RARB: variants seen among roughly 807,000 people sequenced by gnomAD.
RARB encodes the protein HBV-activated protein.
A neutral mutation model predicts 51.9 loss-of-function variants in RARB; 17 were observed. The observed-to-expected ratio is 0.33, with a 90% CI of 0.22 to 0.49. The LOEUF (loss-of-function observed/expected upper bound fraction) is 0.49, where lower values mean the gene tolerates loss of function less well. Ranked by LOEUF, RARB falls within the 20% of genes least tolerant of loss-of-function variation. RARB has a pLI of 0.99. For synonymous variants in RARB, 215 were observed against 195.4 expected (o/e 1.10, Z -0.84); for missense variants, 369 against 550.8 (o/e 0.67, Z 3.30).
At chr3:25,136,684 G>A (rs139260148) in intron 4 of RARB, among the ~76,000 whole-genome samples, 2 of 152,014 alleles carry the variant, frequency 1.3e-5, no homozygotes, top group African/African-American at 2.4e-5. Flanking sequence ...CACGTTAGAA[G>A]CAGTGTGCTA....
chr3:25,057,408 T>C (rs1232627568), intron 2 of RARB, among the ~76,000 whole-genome samples: 1 of 152,068 alleles, frequency 6.6e-6, no homozygotes, highest in Non-Finnish European at 1.5e-5. Flanking sequence ...CACTTAAAAT[T>C]CAAAACAAAA....
chr3:24,932,451 T>A lies in RARB; in HGVS notation c.-380+73699T>A, dbSNP rs545808402. On this transcript the variant is annotated intron_variant, in intron 2 of 11. Transcript: ENST00000383772. Reference sequence around the variant, plus strand: ...AGTCGTTTACATTGCTAATACTTTTTAAATCATTTTAGTGGGCATTGAAAT... The same window carrying A: ...AGTCGTTTACATTGCTAATACTTTTAAAATCATTTTAGTGGGCATTGAAAT... Among the ~76,000 whole-genome samples, 52 of 152,248 alleles carry A rather than the reference T, an allele frequency of 3.4e-4. No individual in the cohort carries two copies. The East Asian group carries it at 3.5e-3, about 10-fold the overall frequency.
rs571949253 is a variant in RARB at position 24,944,585 on chromosome 3, C to T, written c.-380+85833C>T. On this transcript the variant is annotated intron_variant, in intron 2 of 11. Coordinates refer to the RARB transcript ENST00000383772. ...AAACCTACAAATGCCTGACCCTGTGCCTGTCATTCAGTCATATAGAGTGTG... is the reference window on the plus strand; with the variant it reads ...AAACCTACAAATGCCTGACCCTGTGTCTGTCATTCAGTCATATAGAGTGTG... 3.9e-5 allele frequency among the ~76,000 whole-genome samples: 6 copies of T among 152,292 alleles called. No homozygotes were observed. The South Asian group carries it at 1.2e-3, about 32-fold the overall frequency.
In RARB at chr3:25,336,235, T is replaced by C. The variant is rs578102845; in HGVS notation, c.179-124958T>C. Among the ~76,000 whole-genome samples the C allele has an allele frequency of 2.0e-5, 3 of 152,248 alleles. No individual in the cohort carries two copies. The South Asian group carries it at 6.2e-4, about 32-fold the overall frequency. On this transcript the variant is annotated intron_variant, in intron 5 of 11. Transcript: ENST00000383772. ...AGTCACTCTCCTAGAGTTCAGAGATTTAGTAGTTTTTCTTTCTTACACCTT... is the reference window on the plus strand; with the variant it reads ...AGTCACTCTCCTAGAGTTCAGAGATCTAGTAGTTTTTCTTTCTTACACCTT...
chr3:25,562,903 G>C (rs868288511), intron 3 of RARB, among the ~76,000 whole-genome samples: 31 of 152,290 alleles, frequency 2.0e-4, no homozygotes, highest in African/African-American at 7.5e-4. Flanking sequence ...TGTTTTGAAA[G>C]TTTCATTAGC....
chr3:25,292,495 C>A (rs1451071144), intron 5 of RARB, among the ~76,000 whole-genome samples: 24 of 152,066 alleles, frequency 1.6e-4, no homozygotes. Context: ...TGGGGAAAAG[C>A]CTATAGAAAC....
intron 1 of RARB, among the ~76,000 whole-genome samples, chr3:25,431,051 A>C (rs1210169067): frequency 7.1e-6 from 1 of 140,222 alleles, no homozygotes; most frequent in Non-Finnish European, 1.5e-5. Context: ...TGTTTGGTTC[A>C]GGGTGGTACA....
At chr3:25,101,376 T>C (rs997439661) in intron 3 of RARB, among the ~76,000 whole-genome samples, 3 of 152,204 alleles carry the variant, frequency 2.0e-5, no homozygotes, top group African/African-American at 7.2e-5. Context: ...CTTGTTCCCA[T>C]GCTCAACATA....
chr3:25,187,967 A>G (rs1315647189), intron 5 of RARB, among the ~76,000 whole-genome samples: 2 of 152,144 alleles, frequency 1.3e-5, no homozygotes, highest in Non-Finnish European at 2.9e-5. Context: ...GACTGATTAG[A>G]GAATGAAAAT....
chr3:25,033,475 T>C (rs4858689), intron 2 of RARB, among the ~76,000 whole-genome samples: 95,185 of 152,012 alleles, frequency 0.63, 30,491 homozygotes, highest in East Asian at 0.93. Flanking sequence ...GTCCCTGAAA[T>C]GGGACTGCAC....
At chr3:25,032,017 AG>A (rs906265473) in intron 2 of RARB, among the ~76,000 whole-genome samples, 23 of 152,234 alleles carry the variant, frequency 1.5e-4, no homozygotes, top group African/African-American at 5.5e-4. Flanking sequence ...AGCCAGGAGA[AG>A]GAATTTTTTT....
At position 24,839,959 on chromosome 3, in the gene RARB, G is replaced by A. The variant is rs367835012; in HGVS notation, c.-459+10556G>A. ...TGTCTCCAGCTGAGTGGGAGCAGGGGATTGGATGGTATCATAGCTGAGAGC... is the reference window on the plus strand; with the variant it reads ...TGTCTCCAGCTGAGTGGGAGCAGGGAATTGGATGGTATCATAGCTGAGAGC... On this transcript the variant is annotated intron_variant, in intron 1 of 11. Coordinates refer to the RARB transcript ENST00000383772. Among the ~76,000 whole-genome samples, 18 of 152,286 alleles carry A rather than the reference G, an allele frequency of 1.2e-4. No individual in the cohort carries two copies. The South Asian group carries it at 3.5e-3, about 30-fold the overall frequency.
chr3:25,167,690 A>C (rs1054004174), intron 4 of RARB, among the ~76,000 whole-genome samples: 1 of 152,220 alleles, frequency 6.6e-6, no homozygotes, highest in African/African-American at 2.4e-5. Flanking sequence ...TCTTTGAAGA[A>C]ACTAAATCAG....
chr3:25,155,663 C>A (rs540585764), intron 4 of RARB, among the ~76,000 whole-genome samples: 1 of 152,094 alleles, frequency 6.6e-6, no homozygotes, highest in Non-Finnish European at 1.5e-5. Context: ...TTTCAAAAAG[C>A]TTTATGATCT....
At chr3:25,062,677 A>G (rs1698574743) in intron 3 of RARB, among the ~76,000 whole-genome samples, 1 of 151,984 alleles carries the variant, frequency 6.6e-6, no homozygotes, top group South Asian at 2.1e-4. Context: ...CACATATTGT[A>G]TGATTCTACA....
At chr3:25,071,932 C>T (rs1450081799) in intron 3 of RARB, among the ~76,000 whole-genome samples, 1 of 152,142 alleles carries the variant, frequency 6.6e-6, no homozygotes, top group South Asian at 2.1e-4. Flanking sequence ...TATTTAAATG[C>T]TTTTGGGACC....
At chr3:24,915,308 T>C (rs1160901809) in intron 2 of RARB, among the ~76,000 whole-genome samples, 1 of 152,224 alleles carries the variant, frequency 6.6e-6, no homozygotes, top group Non-Finnish European at 1.5e-5. Context: ...GTAAAACTAA[T>C]TTTAATTTAA....
intron 2 of RARB, among the ~76,000 whole-genome samples, chr3:25,051,321 A>G (rs1351015512): frequency 2.0e-5 from 3 of 152,112 alleles, no homozygotes; most frequent in Non-Finnish European, 2.9e-5. Context: ...GGAGAAAGGG[A>G]GTGTTTCCAG....
intron 2 of RARB, among the ~76,000 whole-genome samples, chr3:24,860,236 G>T (rs1200577194): frequency 6.6e-6 from 1 of 152,152 alleles, no homozygotes; most frequent in Non-Finnish European, 1.5e-5. Context: ...AAGTCACCTG[G>T]CGCATCTTGG....
Sources: gnomAD v4.1 joint callset for allele counts (sites outside exome capture counted in the v4.1 genomes callset) on GRCh38, gnomAD v4.1.1 for gene constraint, MANE v1.5 for transcripts, NCBI Gene and HGNC (gene_info 2026-07-23, HGNC 2026-07-21) for gene names.